The following DYNC1I1 variants were observed in gnomAD, a reference collection of about 807,000 sequenced individuals.
DYNC1I1 encodes the protein dynein cytoplasmic 1 intermediate chain 1.
Under a neutral mutation model 86.6 loss-of-function variants are expected in DYNC1I1, and 43 were observed. The observed-to-expected ratio is 0.50, with a 90% CI of 0.39 to 0.64. DYNC1I1 has a LOEUF of 0.64. Among genes scored for constraint, DYNC1I1 ranks in the 30% least tolerant of loss-of-function variants. The pLI, the probability that DYNC1I1 is intolerant of heterozygous loss-of-function variation, is 0.00. For synonymous variants in DYNC1I1, 262 were observed against 283.7 expected (o/e 0.92, Z 0.77); for missense variants, 604 against 788.8 (o/e 0.77, Z 2.81).
At chr7:95,990,200 C>T (rs922442817) in intron 9 of DYNC1I1, among the ~76,000 whole-genome samples, 1 of 152,128 alleles carries the variant, frequency 6.6e-6, no homozygotes, top group African/African-American at 2.4e-5. Context: ...AACTTTGTCA[C>T]CCATTGAACA....
At chr7:95,850,950 T>C (rs1245257029) in intron 5 of DYNC1I1, among the ~76,000 whole-genome samples, 7 of 152,106 alleles carry the variant, frequency 4.6e-5, no homozygotes, top group African/African-American at 1.7e-4. Context: ...ACCACAACTT[T>C]TTTTTTTCCT....
rs148734413 is a variant in DYNC1I1 at position 95,921,659 on chromosome 7, G to A, written c.490+51661G>A. On this transcript the variant is annotated intron_variant, in intron 6 of 16. Transcript: ENST00000447467. ...TGGTCACCTTCCAAAATGAAATCCC[G>A]GGAGTCAAATGTGCACCACATTTAT... 4.7e-3 allele frequency among the ~76,000 whole-genome samples: 711 copies of A among 152,122 alleles called. 4 individuals carry two copies. Among genetic ancestry groups the A allele is most frequent in the African/African-American group, 0.016 (657 of 41,492 alleles).
At chr7:95,970,649 T>C (rs1051620953) in intron 6 of DYNC1I1, among the ~76,000 whole-genome samples, 1 of 152,200 alleles carries the variant, frequency 6.6e-6, no homozygotes, top group South Asian at 2.1e-4. Flanking sequence ...GTTCTGCCAT[T>C]CAAGGCCCTA....
intron 5 of DYNC1I1, among the ~76,000 whole-genome samples, chr7:95,844,705 C>T (rs78505163): frequency 0.072 from 10,975 of 151,600 alleles, 473 homozygotes; most frequent in Non-Finnish European, 0.096. Context: ...GGCCCCAGGA[C>T]GGACTGGTGG....
intron 16 of DYNC1I1, among the ~76,000 whole-genome samples, chr7:96,091,783 C>T (rs1165191617): frequency 6.6e-6 from 1 of 152,018 alleles, no homozygotes; most frequent in Non-Finnish European, 1.5e-5. Flanking sequence ...CATGTTTAAC[C>T]CTGGTTATAA....
At chr7:95,988,063 A>T (rs1310568417) in intron 9 of DYNC1I1, among the ~76,000 whole-genome samples, 1 of 152,148 alleles carries the variant, frequency 6.6e-6, no homozygotes, top group Non-Finnish European at 1.5e-5. Context: ...ATCTACCCAA[A>T]CAATCTTTCT....
chr7:95,840,879 G>A (rs1326053096), intron 5 of DYNC1I1, among the ~76,000 whole-genome samples: 1 of 152,172 alleles, frequency 6.6e-6, no homozygotes, highest in African/African-American at 2.4e-5. Flanking sequence ...GATGCATTAG[G>A]TACGTGTTCT....
chr7:95,979,732 A>G (rs1472646474), intron 7 of DYNC1I1, among the ~76,000 whole-genome samples: 1 of 152,214 alleles, frequency 6.6e-6, no homozygotes, highest in East Asian at 1.9e-4. Context: ...GTCAAGTTCT[A>G]GGGTGTGACT....
At chr7:96,037,915 C>T (rs911466575) in intron 13 of DYNC1I1, among the ~76,000 whole-genome samples, 2 of 152,096 alleles carry the variant, frequency 1.3e-5, no homozygotes, top group Non-Finnish European at 2.9e-5. Flanking sequence ...GGGGGAGAAG[C>T]AGGGGATTGC....
intron 6 of DYNC1I1, among the ~76,000 whole-genome samples, chr7:95,871,621 G>A (rs1373052136): frequency 6.6e-6 from 1 of 152,184 alleles, no homozygotes; most frequent in African/African-American, 2.4e-5. Context: ...TTTTTAAAAT[G>A]TGTACTTAAG....
At chr7:95,935,726 A>C (rs930861046) in intron 6 of DYNC1I1, among the ~76,000 whole-genome samples, 1 of 152,028 alleles carries the variant, frequency 6.6e-6, no homozygotes, top group Non-Finnish European at 1.5e-5. Context: ...TGTCCAAAAT[A>C]TATAAAGAAC....
chr7:95,946,153 G>A (rs968324138), intron 6 of DYNC1I1, among the ~76,000 whole-genome samples: 3 of 151,936 alleles, frequency 2.0e-5, no homozygotes, highest in South Asian at 2.1e-4. Flanking sequence ...GGCCTGTCAG[G>A]GGGGCAGGGG....
intron 5 of DYNC1I1, among the ~76,000 whole-genome samples, chr7:95,850,448 A>G (rs2116063354): frequency 6.6e-6 from 1 of 152,212 alleles, no homozygotes; most frequent in South Asian, 2.1e-4. Context: ...CTCTTTTTGC[A>G]TCTATTGAAA....
intron 16 of DYNC1I1, among the ~76,000 whole-genome samples, chr7:96,107,121 G>C (rs1182259599): frequency 6.6e-6 from 1 of 151,772 alleles, no homozygotes; most frequent in Non-Finnish European, 1.5e-5. Flanking sequence ...CTGCCTCCCA[G>C]GTTCAAGTCA....
At chr7:95,845,780 A>G (rs1456581212) in intron 5 of DYNC1I1, among the ~76,000 whole-genome samples, 1 of 152,176 alleles carries the variant, frequency 6.6e-6, no homozygotes, top group African/African-American at 2.4e-5. Flanking sequence ...AACAGAACCA[A>G]TCAAAATTTT....
At chr7:95,776,587 A>G (rs1793846265) in intron 1 of DYNC1I1, among the ~76,000 whole-genome samples, 1 of 152,250 alleles carries the variant, frequency 6.6e-6, no homozygotes, top group Non-Finnish European at 1.5e-5. Context: ...TGTTTAAAAA[A>G]GGGGAGAGGA....
intron 6 of DYNC1I1, among the ~76,000 whole-genome samples, chr7:95,877,434 A>C (rs997946778): frequency 9.9e-5 from 15 of 152,206 alleles, no homozygotes; most frequent in African/African-American, 3.6e-4. Context: ...CTGCTAAAGC[A>C]AGGGTGTCAC....
At chr7:95,976,437 G>T (rs1205637838) in intron 6 of DYNC1I1, among the ~76,000 whole-genome samples, 1 of 152,138 alleles carries the variant, frequency 6.6e-6, no homozygotes, top group Non-Finnish European at 1.5e-5. Context: ...GCATTTAAGT[G>T]TGCATTTATA....
intron 6 of DYNC1I1, among the ~76,000 whole-genome samples, chr7:95,942,757 A>G (rs201537913): frequency 7.3e-4 from 107 of 146,488 alleles, no homozygotes; most frequent in African/African-American, 2.7e-3. Context: ...TATAAACAGA[A>G]CCAAAGACAA....
Sources: allele counts gnomAD v4.1 joint callset (sites outside exome capture counted in the v4.1 genomes callset), GRCh38; gene constraint gnomAD v4.1.1; transcripts MANE v1.5; gene names NCBI Gene and HGNC (gene_info 2026-07-23, HGNC 2026-07-21).